The following GRIN2A variants were observed in gnomAD, a reference collection of about 807,000 sequenced individuals.
The protein encoded by GRIN2A is glutamate receptor ionotropic, NMDA 2A.
In GRIN2A, 22 loss-of-function variants were observed where a neutral mutation model predicts 113.4. That is an observed-to-expected ratio of 0.19 (90% CI 0.14 to 0.28). The LOEUF (loss-of-function observed/expected upper bound fraction) is 0.28, where lower values mean the gene tolerates loss of function less well. Ranked by LOEUF, GRIN2A falls within the 10% of genes least tolerant of loss-of-function variation. The pLI is 1.00. For synonymous variants in GRIN2A, 827 were observed against 738.4 expected (o/e 1.12, Z -1.94); for missense variants, 1,502 against 1,887.0 (o/e 0.80, Z 3.78).
chr16:10,168,894 G>T (rs1261054054), intron 2 of GRIN2A, among the ~76,000 whole-genome samples: 1 of 151,674 alleles, frequency 6.6e-6, no homozygotes, highest in Non-Finnish European at 1.5e-5. Flanking sequence ...GAACCCAGGC[G>T]GCAGAGGTTG....
At chr16:10,015,290 G>GAAAAAAAAAA (rs1567235202) in intron 2 of GRIN2A, among the ~76,000 whole-genome samples, 1 of 81,394 alleles carries the variant, frequency 1.2e-5, no homozygotes. Flanking sequence ...AAAAGAAAAA[G>GAAAAAAAAAA]AAAGGAAAGG....
chr16:9,870,789 T>A lies in GRIN2A; in HGVS notation c.1122+20197A>T, dbSNP rs988282910. On this transcript the variant is annotated intron_variant, in intron 4 of 12. Coordinates refer to ENST00000330684, the MANE Select transcript of GRIN2A (RefSeq NM_001134407.3). ...AGTAGCTGAAACTACAGGCACACAC[T>A]GCCATGCCTGGCTAATTTTTTGTAT... Among the ~76,000 whole-genome samples the A allele has an allele frequency of 2.6e-5, 4 of 151,972 alleles. No individual in the cohort carries two copies. In the East Asian group the frequency reaches 7.7e-4, roughly 29 times the overall value.
chr16:10,128,810 C>T (rs1303592182), intron 2 of GRIN2A, among the ~76,000 whole-genome samples: 2 of 152,142 alleles, frequency 1.3e-5, no homozygotes, highest in South Asian at 2.1e-4. Context: ...AATTTTAATT[C>T]AACAAAAGGC....
Position 9,840,900 on chromosome 16 carries a change from C to G in GRIN2A, c.1497+36G>C, listed in dbSNP as rs1476342290. Reference sequence around the variant, plus strand: ...TTCCTGAGGACTGCAGGCCCTTTGTCTGAGTAAGAGCCTAGGGGATGAAAA... The same window carrying G: ...TTCCTGAGGACTGCAGGCCCTTTGTGTGAGTAAGAGCCTAGGGGATGAAAA... On this transcript the variant is annotated intron_variant, in intron 6 of 12. Transcript: ENST00000330684. 9 of 1,610,420 alleles carry G rather than the reference C, an allele frequency of 5.6e-6. No homozygotes were observed. In the South Asian group the frequency reaches 9.9e-5, roughly 18 times the overall value.
chr16:10,077,933 G>GAGCAGAGT (rs1164365890), intron 2 of GRIN2A, among the ~76,000 whole-genome samples: 1 of 152,110 alleles, frequency 6.6e-6, no homozygotes, highest in Non-Finnish European at 1.5e-5. Context: ...GGTAAACTCA[G>GAGCAGAGT]GCCTGGATCA....
intron 2 of GRIN2A, among the ~76,000 whole-genome samples, chr16:10,078,596 G>C (rs2047920405): frequency 6.6e-6 from 1 of 152,180 alleles, no homozygotes; most frequent in Non-Finnish European, 1.5e-5. Context: ...AGGCCACGTA[G>C]TCATGTCCCC....
intron 4 of GRIN2A, among the ~76,000 whole-genome samples, chr16:9,867,410 T>G (rs779822005): frequency 1.3e-5 from 2 of 152,108 alleles, no homozygotes; most frequent in Non-Finnish European, 2.9e-5. Flanking sequence ...TATTTCAGAC[T>G]CTATGGACAA....
At chr16:10,003,476 G>A (rs144027194) in intron 2 of GRIN2A, among the ~76,000 whole-genome samples, 167 of 152,280 alleles carry the variant, frequency 1.1e-3, no homozygotes, top group Non-Finnish European at 5.1e-4. Flanking sequence ...GAGAAAAAAC[G>A]AACAGAGATG....
intron 2 of GRIN2A, chr16:10,111,589 A>G (rs942731708): frequency 1.5e-5 from 15 of 990,460 alleles, no homozygotes; most frequent in South Asian, 3.8e-5. Context: ...CTCTTCCCCT[A>G]TGGACACTGA....
intron 2 of GRIN2A, chr16:9,943,033 C>T (rs1221639843): frequency 6.6e-6 from 1 of 152,230 alleles, no homozygotes; most frequent in Non-Finnish European, 1.5e-5. Flanking sequence ...TGGCCACACT[C>T]CCAGGGCCTG....
intron 2 of GRIN2A, among the ~76,000 whole-genome samples, chr16:10,086,655 A>C (rs529180164): frequency 2.0e-5 from 3 of 151,812 alleles, no homozygotes; most frequent in African/African-American, 4.8e-5. Context: ...ATCTGGCTAC[A>C]TATCTACCTG....
chr16:9,965,252 T>C (rs2045530421), intron 2 of GRIN2A, among the ~76,000 whole-genome samples: 1 of 152,206 alleles, frequency 6.6e-6, no homozygotes, highest in Non-Finnish European at 1.5e-5. Context: ...CAGATTCCTC[T>C]CCTAACCCTC....
intron 3 of GRIN2A, among the ~76,000 whole-genome samples, chr16:9,933,900 CA>C (rs1328377781): frequency 6.6e-6 from 1 of 152,142 alleles, no homozygotes. Flanking sequence ...CATTAGACAC[CA>C]TTTTTGTACG....
At position 10,123,190 on chromosome 16, in the gene GRIN2A, A is replaced by G. The variant is rs546423940; in HGVS notation, c.414+56808T>C. Among the ~76,000 whole-genome samples the G allele has an allele frequency of 2.6e-5, 4 of 152,282 alleles. No homozygotes were observed. The East Asian group carries it at 7.7e-4, about 29-fold the overall frequency. On this transcript the variant is annotated intron_variant, in intron 2 of 12. Coordinates refer to ENST00000330684, the MANE Select transcript of GRIN2A (RefSeq NM_001134407.3). ...AGATGTGTAAATTCCAGGCAGATCTAATGAAGGAGTTACCTTTTCAATCCC... is the reference window on the plus strand; with the variant it reads ...AGATGTGTAAATTCCAGGCAGATCTGATGAAGGAGTTACCTTTTCAATCCC...
chr16:10,129,398 A>G (rs1001013273), intron 2 of GRIN2A, among the ~76,000 whole-genome samples: 15 of 152,236 alleles, frequency 9.9e-5, no homozygotes, highest in Admixed American at 7.8e-4. Context: ...CACTAACCAT[A>G]TAATACTTAG....
Position 9,822,395 on chromosome 16 carries a change from A to C in GRIN2A, c.2037T>G (p.Pro679=). 1 of 1,612,526 alleles carries C rather than the reference A, an allele frequency of 6.2e-7. No homozygotes were observed. Among genetic ancestry groups the C allele is most frequent in the African/African-American group, 1.3e-5 (1 of 74,966 alleles). Residue 679 remains proline, a synonymous_variant, in exon 10 of 13, where the codon CCT becomes CCG. Coordinates refer to ENST00000330684, the MANE Select transcript of GRIN2A (RefSeq NM_001134407.3). Reference sequence around the variant, plus strand: ...CATTAGGCACTGTCCCAAATCGAAAAGGTGGGGAATAGTCATGAGGTCTCT... The same window carrying C: ...CATTAGGCACTGTCCCAAATCGAAACGGTGGGGAATAGTCATGAGGTCTCT... The part of the protein sequence containing the change: ...KFQRPHDYSP[P]FRFGTVPNGS...
At chr16:10,021,068 A>G (rs960894744) in intron 2 of GRIN2A, among the ~76,000 whole-genome samples, 1 of 152,130 alleles carries the variant, frequency 6.6e-6, no homozygotes, top group Non-Finnish European at 1.5e-5. Context: ...GCAATTCAGC[A>G]GAAGTCCTTT....
rs370954518 is a variant in GRIN2A at position 10,006,453 on chromosome 16, G to T, written c.415-67902C>A. Among the ~76,000 whole-genome samples, 131 of 152,296 alleles carry T rather than the reference G, an allele frequency of 8.6e-4. 1 individual carries two copies. The highest frequency in any genetic ancestry group is 3.1e-3 in the African/African-American group (130 of 41,570). ...AGAGATGACATTCTGGCTGTGGCTA[G>T]AAGAACCCAATCATGTAAATTTCAT... On this transcript the variant is annotated intron_variant, in intron 2 of 12. Coordinates refer to ENST00000330684, the MANE Select transcript of GRIN2A (RefSeq NM_001134407.3).
At chr16:10,011,194 T>C (rs1399361036) in intron 2 of GRIN2A, among the ~76,000 whole-genome samples, 1 of 152,198 alleles carries the variant, frequency 6.6e-6, no homozygotes, top group Non-Finnish European at 1.5e-5. Flanking sequence ...TTATCAGTAA[T>C]TACAGATGTA....
Sources: allele counts gnomAD v4.1 joint callset (sites outside exome capture counted in the v4.1 genomes callset), GRCh38; gene constraint gnomAD v4.1.1; transcripts MANE v1.5; gene names NCBI Gene and HGNC (gene_info 2026-07-23, HGNC 2026-07-21).